P2RY8: variants seen among roughly 807,000 people sequenced by gnomAD.
P2RY8 encodes the protein S-geranylgeranyl-glutathione receptor P2RY8.
P2RY8 carries 6 observed loss-of-function variants against 10.0 expected under a neutral mutation model. That is an observed-to-expected ratio of 0.60 (90% CI 0.33 to 1.19). P2RY8 has a LOEUF of 1.19. Ranked by LOEUF, P2RY8 falls within the 50% of genes most tolerant of loss-of-function variation. The pLI, the probability that P2RY8 is intolerant of heterozygous loss-of-function variation, is 0.04. For synonymous variants in P2RY8, 276 were observed against 252.5 expected, an observed-to-expected ratio of 1.09 and a Z score of -0.88; for missense variants, 456 against 542.0, an observed-to-expected ratio of 0.84 and a Z score of 1.58.
At position 1,476,427 on chromosome X, in the gene P2RY8, GA is replaced by G. The variant is rs749407857; in HGVS notation, c.-24-9846del. On this transcript the variant is annotated intron_variant, in intron 1 of 1. Coordinates refer to ENST00000381297, the MANE Select transcript of P2RY8 (RefSeq NM_178129.5). ...CCTTCTCTACTAAAAATACAAAAAA[GA>G]AAAAAAAAATTAGCCGGGCGTGGTG... is the stretch of plus-strand genomic sequence containing the variant. Among the ~76,000 whole-genome samples, 582 of 147,830 alleles carry G rather than the reference GA, an allele frequency of 3.9e-3. 2 individuals carry two copies. Among genetic ancestry groups the G allele is most frequent in the African/African-American group, 0.013 (538 of 40,286 alleles).
chrX:1,478,273 G>GTGTGTGTGTGTGTGTGTGCGCA (rs539376483), intron 1 of P2RY8, among the ~76,000 whole-genome samples: 2 of 133,568 alleles, frequency 1.5e-5, no homozygotes, highest in Non-Finnish European at 3.1e-5. Flanking sequence ...GTGTGTGTGT[G>GTGTGTGTGTGTGTGTGTGCGCA]CCCAGCAGGG....
At chrX:1,489,711 T>C (rs1485278347) in intron 1 of P2RY8, among the ~76,000 whole-genome samples, 1 of 138,394 alleles carries the variant, frequency 7.2e-6, no homozygotes, top group African/African-American at 2.7e-5. Flanking sequence ...GAATGAATGA[T>C]ACCCAGATAT....
At position 1,516,152 on chromosome X, in the gene P2RY8, G is replaced by T. The variant is rs750852640; in HGVS notation, c.-25+20769C>A. 1.6e-3 allele frequency among the ~76,000 whole-genome samples: 235 copies of T among 151,016 alleles called. 3 individuals carry two copies. In the South Asian group the frequency reaches 0.024, roughly 16 times the overall value. ...GCGGAGGTTGCAGTGAGCGGAGGTT[G>T]CACCACTGCACTCCAGCCTGGGCAA... is the stretch of plus-strand genomic sequence containing the variant. On this transcript the variant is annotated intron_variant, in intron 1 of 1. Coordinates refer to ENST00000381297, the MANE Select transcript of P2RY8 (RefSeq NM_178129.5).
At chrX:1,529,454 G>A (rs1376446484) in intron 1 of P2RY8, among the ~76,000 whole-genome samples, 1 of 152,046 alleles carries the variant, frequency 6.6e-6, no homozygotes, top group African/African-American at 2.4e-5. Context: ...CTGTTCCAGT[G>A]GGGATGCTTG....
intron 1 of P2RY8, among the ~76,000 whole-genome samples, chrX:1,527,516 T>C (rs1460509408): frequency 6.6e-6 from 1 of 152,032 alleles, no homozygotes; most frequent in East Asian, 1.9e-4. Flanking sequence ...CATTTATCAA[T>C]ACACCCACTA....
At chrX:1,527,184 C>T (rs1213741202) in intron 1 of P2RY8, among the ~76,000 whole-genome samples, 2 of 152,116 alleles carry the variant, frequency 1.3e-5, no homozygotes, top group African/African-American at 2.4e-5. Context: ...CGTGAGCCAC[C>T]GCGCCCAGCC....
At chrX:1,494,176 G>A (rs1399374764) in intron 1 of P2RY8, 1 of 152,276 alleles carries the variant, frequency 6.6e-6, no homozygotes, top group African/African-American at 2.4e-5. Flanking sequence ...CTAGGCAGGG[G>A]GTCCTGGGGG....
intron 1 of P2RY8, among the ~76,000 whole-genome samples, chrX:1,503,587 C>T (rs1171029904): frequency 1.3e-5 from 2 of 151,962 alleles, no homozygotes; most frequent in African/African-American, 4.8e-5. Context: ...GTGGTAAACC[C>T]CGTCTCTACT....
intron 1 of P2RY8, among the ~76,000 whole-genome samples, chrX:1,529,783 C>G (rs2092460652): frequency 6.6e-6 from 1 of 151,920 alleles, no homozygotes; most frequent in Non-Finnish European, 1.5e-5. Context: ...CTATCTATAC[C>G]TTTCTAGCAT....
In P2RY8 at chrX:1,536,643, C is replaced by T. The variant is rs144649468; in HGVS notation, c.-25+278G>A. Reference sequence around the variant, plus strand: ...AACTCCTGACCTCGTGATCCGCCCACCTCGGCCTCTGAAAGTTCATGGAAT... The same window carrying T: ...AACTCCTGACCTCGTGATCCGCCCATCTCGGCCTCTGAAAGTTCATGGAAT... On this transcript the variant is annotated intron_variant, in intron 1 of 1. Transcript: ENST00000381297. Among the ~76,000 whole-genome samples, 1,015 of 152,284 alleles carry T rather than the reference C, an allele frequency of 6.7e-3. 10 individuals carry two copies. The highest frequency in any genetic ancestry group is 0.024 in the East Asian group (123 of 5,180).
In P2RY8 at chrX:1,469,652, A is replaced by G. The variant is rs186501419; in HGVS notation, c.-24-3070T>C. On this transcript the variant is annotated intron_variant, in intron 1 of 1. Transcript: ENST00000381297. Reference sequence around the variant, plus strand: ...CACACCTGTAATCCCAGCACTTTGGAAGGCCGAGGTGGGCAGATCACGAGG... The same window carrying G: ...CACACCTGTAATCCCAGCACTTTGGGAGGCCGAGGTGGGCAGATCACGAGG... Among the ~76,000 whole-genome samples the G allele has an allele frequency of 3.1e-3, 475 of 151,566 alleles. 2 individuals carry two copies. The highest frequency in any genetic ancestry group is 9.4e-3 in the African/African-American group (390 of 41,334).
At chrX:1,507,955 C>T (rs867823784) in intron 1 of P2RY8, among the ~76,000 whole-genome samples, 3 of 152,058 alleles carry the variant, frequency 2.0e-5, no homozygotes, top group East Asian at 1.9e-4. Flanking sequence ...CGGGACCAGG[C>T]GGGACCCACA....
intron 1 of P2RY8, among the ~76,000 whole-genome samples, chrX:1,494,760 C>T (rs1379003834): frequency 3.3e-5 from 5 of 152,134 alleles, no homozygotes; most frequent in Admixed American, 1.3e-4. Flanking sequence ...ACCTGGAGTG[C>T]AATGGCACCG....
chrX:1,502,970 G>T (rs2092194640), intron 1 of P2RY8, among the ~76,000 whole-genome samples: 1 of 152,206 alleles, frequency 6.6e-6, no homozygotes, highest in Non-Finnish European at 1.5e-5. Context: ...CTAGAGCCCA[G>T]AACCTGGAAT....
In P2RY8 at chrX:1,515,946, T is replaced by TTGG. The variant is rs533655818; in HGVS notation, c.-25+20974_-25+20975insCCA. 7.7e-5 allele frequency among the ~76,000 whole-genome samples: 6 copies of TTGG among 77,944 alleles called. No individual in the cohort carries two copies. In the South Asian group the frequency reaches 2.2e-3, roughly 29 times the overall value. The allele number at this position is 77,944 out of a possible 152,430, so 51.1% of individuals were successfully genotyped here. A position where few individuals can be genotyped will look rare whatever the true frequency, so the allele number is the denominator to read the frequency against. On this transcript the variant is annotated intron_variant, in intron 1 of 1. Coordinates refer to ENST00000381297, the MANE Select transcript of P2RY8 (RefSeq NM_178129.5). ...CCCAGCACTTTGGGAGGCCGAGGGG[T>TTGG]CGGGGGGTGGTGGATCACCTGAGGT... is the stretch of plus-strand genomic sequence containing the variant.
chrX:1,475,049 G>A (rs1319657148), intron 1 of P2RY8, among the ~76,000 whole-genome samples: 1 of 147,418 alleles, frequency 6.8e-6, no homozygotes, highest in Admixed American at 6.8e-5. Flanking sequence ...ATGGGTAGAT[G>A]GATAGACGGG....
chrX:1,527,381 A>G (rs1351046789), intron 1 of P2RY8, among the ~76,000 whole-genome samples: 52 of 151,766 alleles, frequency 3.4e-4, no homozygotes, highest in African/African-American at 1.2e-3. Context: ...TCATTTGCCC[A>G]TTCATTTATT....
At chrX:1,473,485 G>A (rs1473263361) in intron 1 of P2RY8, among the ~76,000 whole-genome samples, 6 of 137,080 alleles carry the variant, frequency 4.4e-5, no homozygotes, top group Non-Finnish European at 6.3e-5. Context: ...GTATGGATGA[G>A]TAGGTGGATG....
chrX:1,491,021 A>G (rs1317290992), intron 1 of P2RY8, among the ~76,000 whole-genome samples: 1 of 151,136 alleles, frequency 6.6e-6, no homozygotes, highest in African/African-American at 2.4e-5. Flanking sequence ...GAATGAATGA[A>G]TGATACCCCA....
Sources: allele counts gnomAD v4.1 joint callset (sites outside exome capture counted in the v4.1 genomes callset), GRCh38; gene constraint gnomAD v4.1.1; transcripts MANE v1.5; gene names NCBI Gene and HGNC (gene_info 2026-07-23, HGNC 2026-07-21).